The following EYS variants were observed in gnomAD, a reference collection of about 807,000 sequenced individuals.
EYS encodes the protein EGF-like photoreceptor maintenance factor.
Under a neutral mutation model 282.1 loss-of-function variants are expected in EYS, and 250 were observed. The observed-to-expected ratio is 0.89, with a 90% confidence interval of 0.80 to 0.98. The LOEUF (loss-of-function observed/expected upper bound fraction) is 0.98, where lower values mean the gene tolerates loss of function less well. EYS is among the 50% of genes least tolerant of loss of function. The probability of loss-of-function intolerance (pLI) is 0.00; values close to 1 mark genes in which losing one functional copy is unlikely to be tolerated. For synonymous variants in EYS, 1,355 were observed against 1,282.9 expected, an observed-to-expected ratio of 1.06 and a Z score of -1.20; for missense variants, 4,016 against 3,709.0, an observed-to-expected ratio of 1.08 and a Z score of -2.15.
intron 30 of EYS, among the ~76,000 whole-genome samples, chr6:64,248,011 G>T (rs994483385): frequency 6.6e-6 from 1 of 152,146 alleles, no homozygotes; most frequent in Non-Finnish European, 1.5e-5. Flanking sequence ...TCCTCAAGAG[G>T]CCGAGTCCTA....
At chr6:64,838,617 T>TACACACACACAC (rs56901295) in intron 19 of EYS, among the ~76,000 whole-genome samples, 2,349 of 149,678 alleles carry the variant, frequency 0.016, 54 homozygotes, top group African/African-American at 0.045. Context: ...TCTGTTTCTC[T>TACACACACACAC]ACACACACAC....
intron 31 of EYS, among the ~76,000 whole-genome samples, chr6:64,193,621 G>C (rs1280047623): frequency 6.6e-6 from 1 of 151,968 alleles, no homozygotes; most frequent in Non-Finnish European, 1.5e-5. Context: ...ATTTACATTA[G>C]GTATATCTCC....
intron 1 of EYS, among the ~76,000 whole-genome samples, chr6:65,706,738 A>G (rs1263322386): frequency 6.6e-6 from 1 of 152,148 alleles, no homozygotes; most frequent in Non-Finnish European, 1.5e-5. Context: ...AAATCATACA[A>G]TTTCATTTGC....
chr6:63,926,539 T>C (rs916150526), intron 35 of EYS, among the ~76,000 whole-genome samples: 1 of 152,224 alleles, frequency 6.6e-6, no homozygotes, highest in Non-Finnish European at 1.5e-5. Context: ...TTTTCTATTA[T>C]ATTAAAGACC....
At chr6:65,012,368 T>C (rs1461864461) in intron 13 of EYS, among the ~76,000 whole-genome samples, 1 of 152,164 alleles carries the variant, frequency 6.6e-6, no homozygotes, top group Non-Finnish European at 1.5e-5. Flanking sequence ...GTTACCTATT[T>C]GGAAAGTACT....
intron 29 of EYS, among the ~76,000 whole-genome samples, chr6:64,382,785 G>A (rs966323478): frequency 1.8e-4 from 28 of 152,244 alleles, no homozygotes; most frequent in African/African-American, 5.3e-4. Context: ...AGGCCCTTCC[G>A]GACTATTGGC....
intron 21 of EYS, among the ~76,000 whole-genome samples, chr6:64,816,882 G>A (rs1306662587): frequency 6.6e-6 from 1 of 150,888 alleles, no homozygotes; most frequent in Non-Finnish European, 1.5e-5. Context: ...ATCCAAAAAA[G>A]GATACTAATT....
chr6:65,519,718 T>A (rs1243761142), intron 2 of EYS, among the ~76,000 whole-genome samples: 815 of 60,690 alleles, frequency 0.013, 13 homozygotes, highest in African/African-American at 0.046. Flanking sequence ...ATTTTTTTTT[T>A]TTTTTTTTTT....
intron 29 of EYS, among the ~76,000 whole-genome samples, chr6:64,365,058 T>C (rs1249935367): frequency 6.6e-6 from 1 of 151,910 alleles, no homozygotes; most frequent in Non-Finnish European, 1.5e-5. Context: ...CAAGGAAAAG[T>C]AAACATGATG....
chr6:64,467,126 C>A (rs1775944088), intron 26 of EYS, among the ~76,000 whole-genome samples: 1 of 152,072 alleles, frequency 6.6e-6, no homozygotes, highest in African/African-American at 2.4e-5. Context: ...AGAGAAAATG[C>A]AAACTTCTAA....
chr6:63,835,504 T>C (rs913142259), intron 36 of EYS, among the ~76,000 whole-genome samples: 13 of 152,018 alleles, frequency 8.6e-5, no homozygotes, highest in Admixed American at 2.6e-4. Flanking sequence ...CATCATATGT[T>C]CTCACTGATA....
At chr6:64,170,265 A>G (rs1764439389) in intron 31 of EYS, among the ~76,000 whole-genome samples, 1 of 152,256 alleles carries the variant, frequency 6.6e-6, no homozygotes, top group African/African-American at 2.4e-5. Context: ...AGCTTTGGCT[A>G]GTCAGAAAGC....
At chr6:64,268,892 T>G (rs1398799250) in intron 30 of EYS, among the ~76,000 whole-genome samples, 2 of 152,136 alleles carry the variant, frequency 1.3e-5, no homozygotes. Flanking sequence ...ATAAATGCTG[T>G]TCATTGCCCT....
At chr6:65,155,875 G>A (rs1404535659) in intron 12 of EYS, among the ~76,000 whole-genome samples, 1 of 151,450 alleles carries the variant, frequency 6.6e-6, no homozygotes, top group Non-Finnish European at 1.5e-5. Context: ...CCACTAGAAA[G>A]TTTCCAGATT....
intron 22 of EYS, among the ~76,000 whole-genome samples, chr6:64,636,167 T>C (rs1441567297): frequency 6.6e-6 from 1 of 152,146 alleles, no homozygotes; most frequent in Non-Finnish European, 1.5e-5. Flanking sequence ...GCCAGAAGCA[T>C]CACGCTACCT....
chr6:65,232,474 A>G (rs986595317), intron 12 of EYS, among the ~76,000 whole-genome samples: 2 of 152,066 alleles, frequency 1.3e-5, no homozygotes, highest in African/African-American at 4.8e-5. Flanking sequence ...ATGCTCTATA[A>G]TAATAAGGAT....
At chr6:64,105,040 A>AG (rs1313483230) in intron 31 of EYS, among the ~76,000 whole-genome samples, 1 of 151,528 alleles carries the variant, frequency 6.6e-6, no homozygotes, top group Non-Finnish European at 1.5e-5. Context: ...AATGAGAGAG[A>AG]GGGGGCGGGG....
At chr6:64,401,460 T>C (rs1773534855) in intron 28 of EYS, among the ~76,000 whole-genome samples, 1 of 151,972 alleles carries the variant, frequency 6.6e-6, no homozygotes, top group Non-Finnish European at 1.5e-5. Context: ...GGCCTGTAAG[T>C]TGGCTATTCC....
At chr6:64,877,891 A>C (rs1766798784) in intron 19 of EYS, among the ~76,000 whole-genome samples, 1 of 152,186 alleles carries the variant, frequency 6.6e-6, no homozygotes, top group African/African-American at 2.4e-5. Flanking sequence ...TATAGTATGG[A>C]GAGAATAATT....
Sources: allele counts gnomAD v4.1 joint callset (sites outside exome capture counted in the v4.1 genomes callset), GRCh38; gene constraint gnomAD v4.1.1; transcripts MANE v1.5; gene names NCBI Gene and HGNC (gene_info 2026-07-23, HGNC 2026-07-21).